Variants in TTC5 observed in about 807,000 individuals in gnomAD.
TTC5 encodes tetratricopeptide repeat domain 5.
TTC5 carries 46 observed loss-of-function variants against 57.4 expected under a neutral mutation model. That is an observed-to-expected ratio of 0.80 (90% CI 0.63 to 1.03). The LOEUF (loss-of-function observed/expected upper bound fraction) is 1.03. TTC5 is among the 50% of genes least tolerant of loss of function. The pLI is 0.00. For missense variants in TTC5, 504 were observed against 528.1 expected (o/e 0.95, Z 0.45); for synonymous variants, 190 against 203.5 (o/e 0.93, Z 0.57).
Position 20,288,714 on chromosome 14 carries a change from A to G in TTC5, c.*913T>C, listed in dbSNP as rs1406422457. On this transcript the variant is annotated 3_prime_UTR_variant, in exon 10 of 10. Transcript: ENST00000258821. Reference sequence around the variant, plus strand: ...CAGGCTGAGCCACCGTGCCAGGCCAATTCAATTGGTTATTAATCCTCACTC... The same window carrying G: ...CAGGCTGAGCCACCGTGCCAGGCCAGTTCAATTGGTTATTAATCCTCACTC... 1 of 152,252 alleles carries G rather than the reference A, an allele frequency of 6.6e-6. No homozygotes were observed. Among genetic ancestry groups the G allele is most frequent in the African/African-American group, 2.4e-5 (1 of 41,444 alleles). The allele number at this position is 152,252 out of a possible 1,614,324, so 9.4% of individuals were successfully genotyped here. A position where few individuals can be genotyped will look rare whatever the true frequency, so the allele number is the denominator to read the frequency against.
intron 1 of TTC5, 71 bp downstream of exon 1, chr14:20,305,816 G>A: frequency 1.4e-6 from 2 of 1,437,308 alleles, no homozygotes; most frequent in Non-Finnish European, 9.8e-7. Context: ...TTCACGGGCA[G>A]TACATAAACT....
At chr14:20,303,744 C>T (rs1485680415) in intron 1 of TTC5, among the ~76,000 whole-genome samples, 2 of 152,306 alleles carry the variant, frequency 1.3e-5, no homozygotes, top group South Asian at 2.1e-4. Flanking sequence ...CTTATCATGA[C>T]CTAGAAGACT....
intron 8 of TTC5, chr14:20,294,179 G>A (rs1566389497): frequency 2.0e-5 from 3 of 152,090 alleles, no homozygotes; most frequent in Admixed American, 6.6e-5. Flanking sequence ...ACTGACAAGT[G>A]ATCAAAGTTG....
At position 20,289,463 on chromosome 14, in the gene TTC5, C is replaced by G. The variant is rs900819751; in HGVS notation, c.*164G>C. 19 of 780,146 alleles carry G rather than the reference C, an allele frequency of 2.4e-5. No homozygotes were observed. The South Asian group carries it at 3.3e-4, about 13-fold the overall frequency. 48.3% of individuals were successfully genotyped at this position (780,146 alleles called of 1,614,324 possible). ...GTAGAGAGCTGGAACATGATGAGGA[C>G]AGAGGAGAGAGAAGAGATACGAAGT... On this transcript the variant is annotated 3_prime_UTR_variant, in exon 10 of 10. Transcript: ENST00000258821.
At chr14:20,303,281 G>T (rs1321871490) in intron 1 of TTC5, among the ~76,000 whole-genome samples, 1 of 151,842 alleles carries the variant, frequency 6.6e-6, no homozygotes, top group African/African-American at 2.4e-5. Context: ...CTCCCAAAGT[G>T]CTGGGACTAC....
chr14:20,296,351 T>C, intron 6 of TTC5, 39 bp downstream of exon 6: 1 of 1,539,220 alleles, frequency 6.5e-7, no homozygotes, highest in African/African-American at 1.4e-5. Flanking sequence ...GGTGTCTTAT[T>C]TATTTGACCC....
intron 3 of TTC5, among the ~76,000 whole-genome samples, chr14:20,300,143 G>GTGTGTGTGTGTGTATATATATATATA (rs370417927): frequency 3.7e-5 from 1 of 27,148 alleles, no homozygotes; most frequent in African/African-American, 1.1e-4. Context: ...TCTGGTCCAT[G>GTGTGTGTGTGTGTATATATATATATA]TATATATATA....
rs1375018398 is a variant in TTC5 at position 20,289,643 on chromosome 14, C to T, written c.1307G>A (p.Arg436Gln). 8 of 1,613,298 alleles carry T rather than the reference C, an allele frequency of 5.0e-6. No individual in the cohort carries two copies. The highest frequency in any genetic ancestry group is 1.1e-5 in the South Asian group (1 of 90,970). Residue 436 changes from arginine (R) to glutamine (Q), a missense_variant, in exon 10 of 10, where the codon CGA (arginine) becomes CAA (glutamine). Physicochemically the swap from Arg to Gln is conservative, Grantham distance 43. Coordinates refer to ENST00000258821, the MANE Select transcript of TTC5 (RefSeq NM_138376.3). ...SSQAVATVAS[R>Q]PQCE is the part of the protein sequence containing the mutation. ...AGTCAAAGGTCATTCACACTGTGGT[C>T]GCGATGCCACTGTGGCAACAGCCTG...
rs773124497 is a variant in TTC5 at position 20,295,480 on chromosome 14, C to T, written c.890G>A (p.Arg297His). The change falls in exon 8 of 10, where the codon CGC becomes CAC. Residue 297 changes from arginine (R) to histidine (H), a missense_variant. Transcript: ENST00000258821. ...KKLQSMLGSL[R>H]PAHLGPCSDG... ...ACTGCAAGGGCCTAGATGGGCTGGG[C>T]GCAAGCTTCCCAGCATGCTCTGCAG... The T allele has an allele frequency of 2.6e-5, 42 of 1,613,778 alleles. No homozygotes were observed. The highest frequency in any genetic ancestry group is 1.7e-4 in the Admixed American group (10 of 59,992).
At chr14:20,299,806 G>C (rs1882145327) in intron 3 of TTC5, among the ~76,000 whole-genome samples, 2 of 147,694 alleles carry the variant, frequency 1.4e-5, no homozygotes, top group Non-Finnish European at 3.1e-5. Flanking sequence ...GCCTGCCTCA[G>C]CCTCCCAAAG....
intron 1 of TTC5, chr14:20,305,634 T>G: frequency 1.8e-6 from 1 of 566,942 alleles, no homozygotes; most frequent in Non-Finnish European, 3.1e-6. Context: ...TCTAAAAATG[T>G]ACATGAACAG....
Position 20,289,569 on chromosome 14 carries a change from G to A in TTC5, c.*58C>T, listed in dbSNP as rs11628038. The A allele has an allele frequency of 0.039, 60,434 of 1,548,512 alleles. 1,336 individuals are homozygous for A. The highest frequency in any genetic ancestry group is 0.043 in the Non-Finnish European group (49,761 of 1,146,490). The stretch of plus-strand genomic sequence containing the variant: ...CTGAATCACTGGATGTGGCTGGACC[G>A]GCTGTCCAGAGCCTTGTCTCCTCTC... On this transcript the variant is annotated 3_prime_UTR_variant, in exon 10 of 10. Transcript: ENST00000258821.
intron 2 of TTC5, 25 bp downstream of exon 2, chr14:20,301,808 G>C (rs1019665523): frequency 1.9e-6 from 3 of 1,613,084 alleles, no homozygotes; most frequent in Non-Finnish European, 2.5e-6. Flanking sequence ...AAGGATGGGG[G>C]TTGTACAATC....
At chr14:20,300,955 A>AT in intron 2 of TTC5, 137 bp from the exon 3 acceptor site, 1 of 683,672 alleles carries the variant, frequency 1.5e-6, no homozygotes, top group Non-Finnish European at 2.4e-6. Context: ...CCATTTATTG[A>AT]AAGCTCACCA....
chr14:20,304,792 A>G (rs988922538), intron 1 of TTC5, among the ~76,000 whole-genome samples: 8 of 152,258 alleles, frequency 5.3e-5, no homozygotes, highest in African/African-American at 1.9e-4. Flanking sequence ...CAAACATTCA[A>G]GAAGTTGTTT....
chr14:20,305,666 C>T (rs1026886180), intron 1 of TTC5: 2 of 588,658 alleles, frequency 3.4e-6, no homozygotes, highest in Admixed American at 3.1e-5. Flanking sequence ...AAATCTTCTT[C>T]CATACAGGAC....
At chr14:20,302,647 C>T (rs1046399644) in intron 1 of TTC5, among the ~76,000 whole-genome samples, 9 of 152,116 alleles carry the variant, frequency 5.9e-5, no homozygotes, top group Admixed American at 3.9e-4. Context: ...CTCTTAAATG[C>T]CTCTGAGTCT....
At chr14:20,294,590 T>A (rs1882022950) in intron 8 of TTC5, 1 of 152,108 alleles carries the variant, frequency 6.6e-6, no homozygotes, top group South Asian at 2.1e-4. Context: ...CTGGATCCAG[T>A]GCCTAGAAAG....
At position 20,286,292 on chromosome 14, in the gene TTC5, GAATC is replaced by G. The variant is rs1490851744; in HGVS notation, c.*3331_*3334del. On this transcript the variant is annotated 3_prime_UTR_variant, in exon 10 of 10. Transcript: ENST00000258821. ...TGGATTAGTATCCAGAACATGTAAG[GAATC>G]AATAAGAAGACAACCCAATAAAAAT... 1 of 151,918 alleles carries G rather than the reference GAATC, an allele frequency of 6.6e-6. No homozygotes were observed. The highest frequency in any genetic ancestry group is 2.4e-5 in the African/African-American group (1 of 41,378). The allele number at this position is 151,918 out of a possible 1,614,324, so 9.4% of individuals were successfully genotyped here.
Sources: gnomAD v4.1 joint callset for allele counts (sites outside exome capture counted in the v4.1 genomes callset) on GRCh38, gnomAD v4.1.1 for gene constraint, MANE v1.5 for transcripts, NCBI Gene and HGNC (gene_info 2026-07-23, HGNC 2026-07-21) for gene names.